Variants in RPS5 observed in about 807,000 individuals in gnomAD.
RPS5 encodes small ribosomal subunit protein uS7.
RPS5 carries 2 observed loss-of-function variants against 20.9 expected under a neutral mutation model. That is an observed-to-expected ratio of 0.10 (90% CI 0.04 to 0.30). RPS5 has a LOEUF of 0.30. RPS5 is among the 10% of genes least tolerant of loss of function. The pLI is 1.00. For missense variants in RPS5, 122 were observed against 287.2 expected (o/e 0.42, Z 4.16); for synonymous variants, 112 against 105.8 (o/e 1.06, Z -0.36).
chr19:58,394,349 C>T, intron 4 of RPS5, 148 bp from the exon 5 acceptor site: 1 of 653,220 alleles, frequency 1.5e-6, no homozygotes, highest in Non-Finnish European at 2.8e-6. Flanking sequence ...GACCCTCTAT[C>T]TGATTGCAAA....
rs1345519960 is a variant in RPS5, at chr19:58,391,452, A to C, written c.109-1524A>C. ...CATCTCAAAAAAAAAAAAAAAAAAA[A>C]CTGGGCTGAGCATGGTGACGCATGT... On this transcript the variant is annotated intron_variant, in intron 2 of 5. Transcript: ENST00000196551. Among the ~76,000 whole-genome samples the C allele has an allele frequency of 2.7e-5, 4 of 148,862 alleles. 1 individual carries two copies. The South Asian group carries it at 8.6e-4, about 32-fold the overall frequency.
intron 2 of RPS5, among the ~76,000 whole-genome samples, chr19:58,389,275 T>TAAA (rs1256875732): frequency 1.3e-5 from 2 of 152,184 alleles, no homozygotes; most frequent in Non-Finnish European, 2.9e-5. Context: ...TTTTAATCAT[T>TAAA]AAAGTTTTAT....
intron 2 of RPS5, 191 bp downstream of exon 2, chr19:58,388,436 A>G (rs1018436875): frequency 3.4e-6 from 2 of 586,412 alleles, no homozygotes; most frequent in African/African-American, 1.9e-5. Context: ...AACTTCTGTC[A>G]TGAGAGGACT....
chr19:58,394,053 A>C (rs1220042409), intron 4 of RPS5: 2 of 176,618 alleles, frequency 1.1e-5, no homozygotes, highest in African/African-American at 2.4e-5. Context: ...CTGTCCCCTC[A>C]GCCTCCCAAA....
Position 58,393,072 on chromosome 19 carries a change from G to T in RPS5, c.205G>T (p.Val69Leu). 1 of 1,614,242 alleles carries T rather than the reference G, an allele frequency of 6.2e-7. No individual in the cohort carries two copies. Among genetic ancestry groups the T allele is most frequent in the East Asian group, 2.2e-5 (1 of 44,888 alleles). Residue 69 changes from valine (V) to leucine (L), a missense_variant, in exon 3 of 6, where the codon GTG becomes TTG. This residue lies in a region of RPS5 where 49 missense variants were observed against 64.9 expected (regional missense o/e 0.75). Transcript: ENST00000196551. ...CTTCCGCAAAGCTCAGTGTCCCATT[G>T]TGGAGCGCCTCACTAACTCCATGAT... ...KRFRKAQCPIVERLTNSMMMH... is the reference protein window; with the variant it reads ...KRFRKAQCPILERLTNSMMMH...
intron 3 of RPS5, 53 bp from the exon 4 acceptor site, chr19:58,393,306 A>AG: frequency 6.2e-7 from 1 of 1,608,714 alleles, no homozygotes; most frequent in South Asian, 1.1e-5. Context: ...GTATGAGGAA[A>AG]GGGGAGGAAT....
Position 58,393,176 on chromosome 19 carries a change from C to T in RPS5, c.309C>T (p.Leu103=), listed in dbSNP as rs752244586. ...ATGCCTTCGAGATCATACACCTGCT[C>T]ACAGGCGAGGTAGGGCTCTGTGGCC... ...VKHAFEIIHL[L]TGENPLQVLV... Residue 103 remains leucine, a synonymous_variant, in exon 3 of 6, where the codon CTC becomes CTT. Coordinates refer to ENST00000196551, the MANE Select transcript of RPS5 (RefSeq NM_001009.4). 17 of 1,614,110 alleles carry T rather than the reference C, an allele frequency of 1.1e-5. No individual in the cohort carries two copies. Among genetic ancestry groups the T allele is most frequent in the Admixed American group, 6.7e-5 (4 of 60,008 alleles).
At chr19:58,392,944 T>A in intron 2 of RPS5, 32 bp from the exon 3 acceptor site, 1 of 1,606,228 alleles carries the variant, frequency 6.2e-7, no homozygotes, top group South Asian at 1.1e-5. Context: ...CCTGACCATT[T>A]TCCCTTCATT....
chr19:58,391,520 T>C (rs1276100475), intron 2 of RPS5, among the ~76,000 whole-genome samples: 1 of 151,280 alleles, frequency 6.6e-6, no homozygotes, highest in African/African-American at 2.4e-5. Flanking sequence ...GGAGAATTGC[T>C]TCAACCCAGG....
chr19:58,393,536 T>TG, intron 4 of RPS5, 49 bp downstream of exon 4: 1 of 1,581,502 alleles, frequency 6.3e-7, no homozygotes, highest in East Asian at 2.3e-5. Context: ...GCCACGGGAG[T>TG]GGGTGGGGTC....
intron 4 of RPS5, chr19:58,394,227 A>G: frequency 2.3e-6 from 1 of 442,106 alleles, no homozygotes; most frequent in Non-Finnish European, 4.2e-6. Context: ...TACAGGCGCA[A>G]GCCACCGTGC....
chr19:58,387,714 C>G (rs1001000828), intron 1 of RPS5: 1 of 222,310 alleles, frequency 4.5e-6, no homozygotes, highest in Non-Finnish European at 9.3e-6. Flanking sequence ...CACACGGTAC[C>G]TACCGTGGTC....
intron 2 of RPS5, chr19:58,388,636 GTTTTTTTTTTTT>G (rs3048304): frequency 5.2e-5 from 11 of 209,910 alleles, no homozygotes; most frequent in Non-Finnish European, 6.7e-5. Flanking sequence ...GCTGGCCGTA[GTTTTTTTTTTTT>G]TTTTTTTTTT....
At chr19:58,392,120 G>C (rs572117223) in intron 2 of RPS5, among the ~76,000 whole-genome samples, 45 of 152,180 alleles carry the variant, frequency 3.0e-4, no homozygotes, top group Middle Eastern at 3.4e-3. Flanking sequence ...TCAAGAGTTC[G>C]AGACCAGCCT....
At chr19:58,394,659 C>G in intron 5 of RPS5, 23 bp from the exon 6 acceptor site, 2 of 1,614,064 alleles carry the variant, frequency 1.2e-6, no homozygotes, top group Non-Finnish European at 1.7e-6. Flanking sequence ...CTTCAGAATT[C>G]AGAGCTGTGT....
chr19:58,390,539 G>A (rs2052356675), intron 2 of RPS5, among the ~76,000 whole-genome samples: 1 of 143,986 alleles, frequency 6.9e-6, no homozygotes, highest in South Asian at 2.2e-4. Context: ...AGGTTCAGGT[G>A]ATTTTCCTGC....
intron 1 of RPS5, 82 bp from the exon 2 acceptor site, chr19:58,388,055 G>A (rs999177819): frequency 1.1e-6 from 1 of 896,524 alleles, no homozygotes; most frequent in African/African-American, 1.7e-5. Context: ...ATGGCGGCTA[G>A]CCTCAGAGTT....
At position 58,393,015 on chromosome 19, in the gene RPS5, C is replaced by T. The variant is rs1401878809; in HGVS notation, c.148C>T (p.Pro50Ser). The T allele has an allele frequency of 9.3e-6, 15 of 1,614,032 alleles. No homozygotes were observed. Among genetic ancestry groups the T allele is most frequent in the Non-Finnish European group, 1.3e-5 (15 of 1,179,910 alleles). Residue 50 changes from proline to serine, a missense_variant, in exon 3 of 6, where the codon CCT (proline) becomes TCT (serine). By Grantham distance (74) the Pro-to-Ser change is moderately conservative. Coordinates refer to ENST00000196551, the MANE Select transcript of RPS5 (RefSeq NM_001009.4). ...AVKEKYAKYL[P>S]HSAGRYAAKR... ...GAAGGAGAAGTATGCCAAGTACCTGCCTCACAGTGCAGGGCGGTATGCCGC... is the reference window on the plus strand; with the variant it reads ...GAAGGAGAAGTATGCCAAGTACCTGTCTCACAGTGCAGGGCGGTATGCCGC...
In RPS5 at chr19:58,393,194, C is replaced by G. The variant is rs1450320375; in HGVS notation, c.318+9C>G. On this transcript the variant is annotated intron_variant, in intron 3 of 5. Coordinates refer to ENST00000196551, the MANE Select transcript of RPS5 (RefSeq NM_001009.4). ...ACCTGCTCACAGGCGAGGTAGGGCT[C>G]TGTGGCCTGGTGAGGGCAGGCTGTG... The G allele has an allele frequency of 1.2e-5, 20 of 1,614,172 alleles. No homozygotes were observed. The highest frequency in any genetic ancestry group is 1.6e-5 in the Non-Finnish European group (19 of 1,179,996).
Sources: allele counts gnomAD v4.1 joint callset (sites outside exome capture counted in the v4.1 genomes callset), GRCh38; gene constraint gnomAD v4.1.1; regional missense constraint gnomAD v4.1.1; transcripts MANE v1.5; gene names NCBI Gene and HGNC (gene_info 2026-07-23, HGNC 2026-07-21).